KRTAP19-3: variants seen among roughly 807,000 people sequenced by gnomAD.
The protein encoded by KRTAP19-3 is keratin-associated protein 19-3.
For synonymous variants in KRTAP19-3, 37 were observed against 41.9 expected, an observed-to-expected ratio of 0.88 and a Z score of 0.45; for missense variants, 106 against 101.6, an observed-to-expected ratio of 1.04 and a Z score of -0.19.
Position 30,491,924 on chromosome 21 carries a change from C to T in KRTAP19-3, c.34G>A (p.Gly12Ser). The T allele has an allele frequency of 1.9e-6, 3 of 1,614,166 alleles. No individual in the cohort carries two copies. The highest frequency in any genetic ancestry group is 2.5e-6 in the Non-Finnish European group (3 of 1,180,026). The part of the protein sequence containing the change: ...SYYGSYYGGL[G>S]YGCGGFGGLG... Reference sequence around the variant, plus strand: ...CCACCAAAGCCTCCACAGCCATAGCCCAGGCCTCCATAGTAGCTGCCGTAG... The same window carrying T: ...CCACCAAAGCCTCCACAGCCATAGCTCAGGCCTCCATAGTAGCTGCCGTAG... Residue 12 changes from glycine (G) to serine (S), a missense_variant, in exon 1 of 1, where the codon GGC becomes AGC. Gly to Ser is a moderately conservative substitution (Grantham distance 56). Transcript: ENST00000334063.
Position 30,491,609 on chromosome 21 carries a change from T to A in KRTAP19-3, c.*103A>T, listed in dbSNP as rs139146271. Reference sequence around the variant, plus strand: ...CTGAAATTCTGAGATGTTAAATTCTTTTGTGCAAATAGCTCCAGCATGATC... The same window carrying A: ...CTGAAATTCTGAGATGTTAAATTCTATTGTGCAAATAGCTCCAGCATGATC... On this transcript the variant is annotated 3_prime_UTR_variant, in exon 1 of 1. Transcript: ENST00000334063. 2 of 1,551,018 alleles carry A rather than the reference T, an allele frequency of 1.3e-6. No homozygotes were observed. Among genetic ancestry groups the A allele is most frequent in the African/African-American group, 1.4e-5 (1 of 72,974 alleles).
rs762885754 is a variant in KRTAP19-3, at chr21:30,491,781, GAAGCCAGAGCCATATCCATAGCCTCCA to G, written c.150_176del (p.Ser57_Gly65del). 6 of 1,613,940 alleles carry G rather than the reference GAAGCCAGAGCCATATCCATAGCCTCCA, an allele frequency of 3.7e-6. No individual in the cohort carries two copies. Among genetic ancestry groups the G allele is most frequent in the South Asian group, 2.2e-5 (2 of 91,072 alleles). On this transcript the variant is annotated inframe_deletion, in exon 1 of 1. Transcript: ENST00000334063. ...GGTAGCAGCCATATCCGTAGCCTCC[GAAGCCAGAGCCATATCCATAGCCTCCA>G]AAGCCAGAGCCATATCCGTAGCCTC...
Position 30,491,690 on chromosome 21 carries a change from A to G in KRTAP19-3, c.*22T>C, listed in dbSNP as rs765890710. 1.9e-6 allele frequency: 3 copies of G among 1,613,482 alleles called. No individual in the cohort carries two copies. The South Asian group carries it at 3.3e-5, about 18-fold the overall frequency. On this transcript the variant is annotated 3_prime_UTR_variant, in exon 1 of 1. Transcript: ENST00000334063. ...GGAAAGTCCTCTTATAATTTCACACATTGTGTTGCTGGGGCAGTAGTTTAA... is the reference window on the plus strand; with the variant it reads ...GGAAAGTCCTCTTATAATTTCACACGTTGTGTTGCTGGGGCAGTAGTTTAA...
rs549231467 is a variant in KRTAP19-3, at chr21:30,491,953, C to T, written c.5G>A (p.Ser2Asn). Residue 2 changes from serine (S) to asparagine (N), a missense_variant, in exon 1 of 1, where the codon AGC becomes AAC. Ser to Asn is a conservative substitution (Grantham distance 46). Coordinates refer to ENST00000334063, the MANE Select transcript of KRTAP19-3 (RefSeq NM_181609.4). The part of the protein sequence containing the change: M[S>N]YYGSYYGGLG... ...GCCTCCATAGTAGCTGCCGTAGTAG[C>T]TCATGGTGTCAGGGGTAGTGAGTTT... is the stretch of plus-strand genomic sequence containing the variant. The T allele has an allele frequency of 6.8e-6, 11 of 1,614,188 alleles. No individual in the cohort carries two copies. In the South Asian group the frequency reaches 7.7e-5, roughly 11 times the overall value.
In KRTAP19-3 at chr21:30,491,594, G is replaced by A; in HGVS notation, c.*118C>T. On this transcript the variant is annotated 3_prime_UTR_variant, in exon 1 of 1. Coordinates refer to ENST00000334063, the MANE Select transcript of KRTAP19-3 (RefSeq NM_181609.4). ...GAGAAAAAAAATTGCCTGAAATTCTGAGATGTTAAATTCTTTTGTGCAAAT... is the reference window on the plus strand; with the variant it reads ...GAGAAAAAAAATTGCCTGAAATTCTAAGATGTTAAATTCTTTTGTGCAAAT... The A allele has an allele frequency of 6.6e-7, 1 of 1,519,050 alleles. No homozygotes were observed. Among genetic ancestry groups the A allele is most frequent in the Non-Finnish European group, 8.9e-7 (1 of 1,128,448 alleles). 94.1% of individuals were successfully genotyped at this position (1,519,050 alleles called of 1,614,324 possible). A position where few individuals can be genotyped will look rare whatever the true frequency, so the allele number is the denominator to read the frequency against.
rs528825190 is a variant in KRTAP19-3, at chr21:30,491,796, T to C, written c.162A>G (p.Gly54=). 4.4e-5 allele frequency: 71 copies of C among 1,613,912 alleles called. No individual in the cohort carries two copies. The South Asian group carries it at 7.2e-4, about 16-fold the overall frequency. The part of the protein sequence containing the change: ...YGYGSGFGGY[G]YGSGFGGYGY... ...CGTAGCCTCCGAAGCCAGAGCCATATCCATAGCCTCCAAAGCCAGAGCCAT... is the reference window on the plus strand; with the variant it reads ...CGTAGCCTCCGAAGCCAGAGCCATACCCATAGCCTCCAAAGCCAGAGCCAT... Residue 54 remains glycine (G), a synonymous_variant, in exon 1 of 1, where the codon GGA becomes GGG. Transcript: ENST00000334063.
chr21:30,491,701 G>GCT lies in KRTAP19-3; in HGVS notation c.*10_*11insAG, dbSNP rs1568866345. The GCT allele has an allele frequency of 5.6e-6, 9 of 1,613,984 alleles. No individual in the cohort carries two copies. In the Admixed American group the frequency reaches 1.5e-4, roughly 27 times the overall value. On this transcript the variant is annotated 3_prime_UTR_variant, in exon 1 of 1. Coordinates refer to ENST00000334063, the MANE Select transcript of KRTAP19-3 (RefSeq NM_181609.4). ...TTATAATTTCACACATTGTGTTGCT[G>GCT]GGGCAGTAGTTTAATAGAATCCAGA...
rs1409727711 is a variant in KRTAP19-3, at chr21:30,491,643, C to T, written c.*69G>A. ...ATAGCTCCAGCATGATCTTTGTTGT[C>T]CAATGATTGAAGTCAGCTCTGGGAA... On this transcript the variant is annotated 3_prime_UTR_variant, in exon 1 of 1. Transcript: ENST00000334063. 1.3e-6 allele frequency: 2 copies of T among 1,599,262 alleles called. No homozygotes were observed. Among genetic ancestry groups the T allele is most frequent in the Non-Finnish European group, 1.7e-6 (2 of 1,170,498 alleles).
rs2298436 is a variant in KRTAP19-3 at position 30,491,989 on chromosome 21, T to G, written c.-32A>C. 130,944 of 1,613,458 alleles carry G rather than the reference T, an allele frequency of 0.081. 6,516 individuals are homozygous for G. Among genetic ancestry groups the G allele is most frequent in the East Asian group, 0.23 (10,137 of 44,840 alleles). ...AGGGGTAGTGAGTTTGGTTTGCTGC[T>G]CAAGGCAAGGTCCTGAGTGTGAATG... is the stretch of plus-strand genomic sequence containing the variant. On this transcript the variant is annotated 5_prime_UTR_variant, in exon 1 of 1. Coordinates refer to ENST00000334063, the MANE Select transcript of KRTAP19-3 (RefSeq NM_181609.4).
Sources: gnomAD v4.1 joint callset for allele counts on GRCh38, gnomAD v4.1.1 for gene constraint, MANE v1.5 for transcripts, NCBI Gene and HGNC (gene_info 2026-07-23, HGNC 2026-07-21) for gene names.